Variants in ZZEF1 observed in about 807,000 individuals in gnomAD.
The protein encoded by ZZEF1 is zinc finger ZZ-type and EF-hand domain containing 1.
Under a neutral mutation model 342.8 loss-of-function variants are expected in ZZEF1, and 157 were observed. That is an observed-to-expected ratio of 0.46 (90% confidence interval 0.40 to 0.52). The LOEUF is 0.52. Among genes scored for constraint, ZZEF1 ranks in the 20% least tolerant of loss-of-function variants. ZZEF1 has a pLI of 0.00. For synonymous variants in ZZEF1, 1,505 were observed against 1,429.1 expected, an observed-to-expected ratio of 1.05 and a Z score of -1.20; for missense variants, 3,480 against 3,725.6, an observed-to-expected ratio of 0.93 and a Z score of 1.72.
At chr17:4,044,835 T>C (rs2056878642) in intron 37 of ZZEF1, among the ~76,000 whole-genome samples, 1 of 152,270 alleles carries the variant, frequency 6.6e-6, no homozygotes, top group Non-Finnish European at 1.5e-5. Context: ...TCATTTCTTA[T>C]GGTAAATCTA....
rs199847329 is a variant in ZZEF1 at position 4,142,696 on chromosome 17, G to C, written c.200C>G (p.Pro67Arg). The change falls in exon 1 of 55, where the codon CCC becomes CGC. Residue 67 changes from proline to arginine, a missense_variant. By Grantham distance (103) the Pro-to-Arg change is moderately radical. Coordinates refer to ENST00000381638, the MANE Select transcript of ZZEF1 (RefSeq NM_015113.4). The stretch of plus-strand genomic sequence containing the variant: ...CCTCGACACCAGCGACTCGCAGGGG[G>C]GTGTGGGCAGCAACGCTGCAGCAGC... Reference protein sequence around the residue: ...REAAAALLPTPPCESLVSRHR... With the variant: ...REAAAALLPTRPCESLVSRHR... 1 of 1,604,022 alleles carries C rather than the reference G, an allele frequency of 6.2e-7. No homozygotes were observed. The highest frequency in any genetic ancestry group is 8.5e-7 in the Non-Finnish European group (1 of 1,178,456).
intron 39 of ZZEF1, among the ~76,000 whole-genome samples, chr17:4,036,287 G>A (rs942542283): frequency 6.6e-6 from 1 of 152,258 alleles, no homozygotes; most frequent in African/African-American, 2.4e-5. Flanking sequence ...ATGTGTGTGT[G>A]GGGTAAGTGG....
chr17:4,062,572 C>T (rs2057307644), intron 30 of ZZEF1, among the ~76,000 whole-genome samples, 181 bp downstream of exon 30: 1 of 152,042 alleles, frequency 6.6e-6, no homozygotes, highest in Non-Finnish European at 1.5e-5. Context: ...AAATATGTTC[C>T]CGGCAGTTAC....
Position 4,034,187 on chromosome 17 carries a change from C to T in ZZEF1, c.6412G>A (p.Gly2138Ser). Reference sequence around the variant, plus strand: ...CGGATAATTAACTGGCCGAGAAGACCCAGGGTGAGATGGTAGGTTTCATTC... The same window carrying T: ...CGGATAATTAACTGGCCGAGAAGACTCAGGGTGAGATGGTAGGTTTCATTC... Reference protein sequence around the residue: ...HLNETYHLTLGLLGQLIIRLL... With the variant: ...HLNETYHLTLSLLGQLIIRLL... Residue 2138 changes from glycine to serine, a missense_variant, in exon 40 of 55, where the codon GGT becomes AGT. Physicochemically the swap from Gly to Ser is moderately conservative, Grantham distance 56. This residue lies in a region of ZZEF1 where 1,269 missense variants were observed against 1,342.4 expected (regional missense o/e 0.95). Coordinates refer to ENST00000381638, the MANE Select transcript of ZZEF1 (RefSeq NM_015113.4). 7 of 1,614,170 alleles carry T rather than the reference C, an allele frequency of 4.3e-6. No individual in the cohort carries two copies. The highest frequency in any genetic ancestry group is 5.9e-6 in the Non-Finnish European group (7 of 1,180,042).
At position 4,071,849 on chromosome 17, in the gene ZZEF1, G is replaced by C. The variant is rs370478160; in HGVS notation, c.3834+759C>G. The stretch of plus-strand genomic sequence containing the variant: ...AAACCAGACCTGGAGACTGATATTA[G>C]GAATTAGGGCCACAATGTTTGACAG... On this transcript the variant is annotated intron_variant, in intron 25 of 54. Transcript: ENST00000381638. 2.2e-4 allele frequency among the ~76,000 whole-genome samples: 33 copies of C among 152,204 alleles called. 1 individual carries two copies. In the East Asian group the frequency reaches 3.7e-3, roughly 17 times the overall value.
intron 43 of ZZEF1, among the ~76,000 whole-genome samples, chr17:4,023,074 C>T (rs919847283): frequency 2.0e-5 from 3 of 152,192 alleles, no homozygotes; most frequent in African/African-American, 7.2e-5. Flanking sequence ...GCCTGCTTCT[C>T]CGGCTGCGCC....
chr17:4,074,751 T>C (rs911132099), intron 23 of ZZEF1, among the ~76,000 whole-genome samples: 3 of 152,208 alleles, frequency 2.0e-5, no homozygotes, highest in African/African-American at 7.2e-5. Flanking sequence ...TTGGCTTCCA[T>C]CACATGGTCT....
chr17:4,032,719 AG>A, intron 41 of ZZEF1, 108 bp downstream of exon 41: 1 of 1,172,540 alleles, frequency 8.5e-7, no homozygotes, highest in South Asian at 1.6e-5. Context: ...CAAAGGAAAA[AG>A]CTTCCAAAGA....
chr17:4,067,690 G>C (rs930756954), intron 26 of ZZEF1, among the ~76,000 whole-genome samples: 8 of 152,154 alleles, frequency 5.3e-5, no homozygotes, highest in Non-Finnish European at 8.8e-5. Context: ...AAGTGCAGCA[G>C]CTCATGCTTA....
chr17:4,037,294 A>C lies in ZZEF1; in HGVS notation c.6307-3002T>G, dbSNP rs535738832. Among the ~76,000 whole-genome samples the C allele has an allele frequency of 3.4e-4, 52 of 152,386 alleles. 1 individual carries two copies. Among genetic ancestry groups the C allele is most frequent in the Admixed American group, 2.7e-3 (42 of 15,312 alleles). ...TGGACACCACTTAATCCAGTGATCA[A>C]AGTAAACATGATCAGTAATGAAATA... On this transcript the variant is annotated intron_variant, in intron 39 of 54. Coordinates refer to ENST00000381638, the MANE Select transcript of ZZEF1 (RefSeq NM_015113.4).
Position 4,116,955 on chromosome 17 carries a change from C to A in ZZEF1, c.694+17G>T. 6.4e-7 allele frequency: 1 copy of A among 1,555,466 alleles called. No individual in the cohort carries two copies. The highest frequency in any genetic ancestry group is 1.2e-5 in the South Asian group (1 of 84,600). Reference sequence around the variant, plus strand: ...AATGATCAGAGTATTTTCAGGAGAACCCCCACACACACATACCCTTTTCCT... The same window carrying A: ...AATGATCAGAGTATTTTCAGGAGAAACCCCACACACACATACCCTTTTCCT... On this transcript the variant is annotated intron_variant, in intron 3 of 54. Coordinates refer to ENST00000381638, the MANE Select transcript of ZZEF1 (RefSeq NM_015113.4).
chr17:4,078,670 A>G (rs2057668178), intron 18 of ZZEF1, among the ~76,000 whole-genome samples: 1 of 152,222 alleles, frequency 6.6e-6, no homozygotes, highest in Non-Finnish European at 1.5e-5. Flanking sequence ...GGACTCAAAG[A>G]TACTGGGAAT....
At chr17:4,107,499 A>G (rs923279525) in intron 6 of ZZEF1, among the ~76,000 whole-genome samples, 18 of 152,190 alleles carry the variant, frequency 1.2e-4, no homozygotes, top group African/African-American at 4.3e-4. Context: ...GAATGCAGGC[A>G]CCAAGTGAGG....
rs192549417 is a variant in ZZEF1, at chr17:4,019,812, C to A, written c.7405-43G>T. On this transcript the variant is annotated intron_variant, in intron 45 of 54. Transcript: ENST00000381638. The stretch of plus-strand genomic sequence containing the variant: ...ACGCAGACAAGAACCATTAACAGTG[C>A]TTCAATACGGTATTGATCAACTGAA... 206 of 1,459,884 alleles carry A rather than the reference C, an allele frequency of 1.4e-4. No individual in the cohort carries two copies. In the African/African-American group the frequency reaches 2.6e-3, roughly 19 times the overall value. The allele number at this position is 1,459,884 out of a possible 1,614,324, so 90.4% of individuals were successfully genotyped here. A position where few individuals can be genotyped will look rare whatever the true frequency, so the allele number is the denominator to read the frequency against.
At position 4,019,729 on chromosome 17, in the gene ZZEF1, C is replaced by T. The variant is rs753496665; in HGVS notation, c.7445G>A (p.Arg2482Gln). The change falls in exon 46 of 55, where the codon CGG becomes CAG. Residue 2482 changes from arginine to glutamine, a missense_variant. By Grantham distance (43) the Arg-to-Gln change is conservative (BLOSUM62 1). Around this residue, in one of 5 missense-constraint regions of ZZEF1, gnomAD observed 1,269 missense variants for 1,342.4 expected, o/e 0.95. Coordinates refer to ENST00000381638, the MANE Select transcript of ZZEF1 (RefSeq NM_015113.4). ...DALNAPLHIL[R>Q]AIYELQMKKT... The stretch of plus-strand genomic sequence containing the variant: ...TTTCATCTGCAGTTCGTATATGGCC[C>T]GGAGAATGTGCAGAGGGGCATTGAG... 1.1e-5 allele frequency: 18 copies of T among 1,612,058 alleles called. No individual in the cohort carries two copies. Among genetic ancestry groups the T allele is most frequent in the Admixed American group, 8.4e-5 (5 of 59,520 alleles).
At chr17:4,133,337 C>T (rs1048482895) in intron 1 of ZZEF1, among the ~76,000 whole-genome samples, 1 of 152,144 alleles carries the variant, frequency 6.6e-6, no homozygotes, top group Non-Finnish European at 1.5e-5. Flanking sequence ...AGGTACCTTG[C>T]CTGAGGTCAC....
intron 21 of ZZEF1, chr17:4,076,227 G>C (rs1597855281): frequency 6.8e-6 from 1 of 146,752 alleles, no homozygotes; most frequent in African/African-American, 2.6e-5. Flanking sequence ...CGCCTCCCGG[G>C]TTCACGCCAT....
At chr17:4,097,793 A>C (rs556302788) in intron 9 of ZZEF1, among the ~76,000 whole-genome samples, 54 of 152,178 alleles carry the variant, frequency 3.5e-4, no homozygotes, top group African/African-American at 1.3e-3. Context: ...TCATTAATTA[A>C]TGAGCTAAAT....
rs188203854 is a variant in ZZEF1 at position 4,053,324 on chromosome 17, A to G, written c.5434+733T>C. On this transcript the variant is annotated intron_variant, in intron 34 of 54. Coordinates refer to ENST00000381638, the MANE Select transcript of ZZEF1 (RefSeq NM_015113.4). ...CAGCATGGCCATCTAAAGTCACTACAGACACTCCTCTGTCCCAGGGTTTGC... is the reference window on the plus strand; with the variant it reads ...CAGCATGGCCATCTAAAGTCACTACGGACACTCCTCTGTCCCAGGGTTTGC... 7.9e-5 allele frequency among the ~76,000 whole-genome samples: 12 copies of G among 152,328 alleles called. 1 individual carries two copies. In the East Asian group the frequency reaches 2.3e-3, roughly 29 times the overall value.
Sources: allele counts gnomAD v4.1 joint callset (sites outside exome capture counted in the v4.1 genomes callset), GRCh38; gene constraint gnomAD v4.1.1; regional missense constraint gnomAD v4.1.1; transcripts MANE v1.5; gene names NCBI Gene and HGNC (gene_info 2026-07-23, HGNC 2026-07-21).